SYNE1: variants seen among roughly 807,000 people sequenced by gnomAD.
The protein encoded by SYNE1 is nesprin-1.
A neutral mutation model predicts 1,111.0 loss-of-function variants in SYNE1; 616 were observed. The observed-to-expected ratio is 0.55, with a 90% CI of 0.52 to 0.59. SYNE1 has a LOEUF of 0.59. SYNE1 is among the 20% of genes least tolerant of loss of function. SYNE1 has a pLI of 0.00. For missense variants in SYNE1, 10,006 were observed against 10,417.0 expected, an observed-to-expected ratio of 0.96 and a Z score of 1.72; for synonymous variants, 3,855 against 3,825.8, an observed-to-expected ratio of 1.01 and a Z score of -0.28.
rs747838657 is a variant in SYNE1 at position 152,330,155 on chromosome 6, G to A, written c.14530C>T (p.Pro4844Ser). 1.2e-6 allele frequency: 2 copies of A among 1,614,130 alleles called. No homozygotes were observed. The highest frequency in any genetic ancestry group is 1.7e-6 in the Non-Finnish European group (2 of 1,180,028). Residue 4844 changes from proline (P) to serine (S), a missense_variant, in exon 78 of 146, where the codon CCA becomes TCA. By Grantham distance (74) the Pro-to-Ser change is moderately conservative. Around this residue, in one of 7 missense-constraint regions of SYNE1, gnomAD observed 4,955 missense variants for 5,017.2 expected, o/e 0.99. Transcript: ENST00000367255. ...RVTIHLEDLAPHLDPLAYEKA... is the reference protein window; with the variant it reads ...RVTIHLEDLASHLDPLAYEKA... ...TCATAAGCCAAGGGGTCAAGGTGTGGGGCAAGATCTTCAAGATGTATGGTT... is the reference window on the plus strand; with the variant it reads ...TCATAAGCCAAGGGGTCAAGGTGTGAGGCAAGATCTTCAAGATGTATGGTT...
intron 98 of SYNE1, 56 bp from the exon 99 acceptor site, chr6:152,269,342 A>G: frequency 6.2e-7 from 1 of 1,611,724 alleles, no homozygotes; most frequent in Non-Finnish European, 8.5e-7. Context: ...ACCTTAACCA[A>G]AGGGGAGAGA....
intron 53 of SYNE1, among the ~76,000 whole-genome samples, chr6:152,389,071 CAAT>C (rs113207519): frequency 0.13 from 20,013 of 152,064 alleles, 3,239 homozygotes; most frequent in African/African-American, 0.38. Context: ...GAAAAAACAA[CAAT>C]AATAACAACA....
At chr6:152,188,388 C>G (rs2153225882) in intron 128 of SYNE1, among the ~76,000 whole-genome samples, 1 of 152,232 alleles carries the variant, frequency 6.6e-6, no homozygotes, top group Non-Finnish European at 1.5e-5. Flanking sequence ...CTTTCCCTTT[C>G]ATTTCCAACT....
chr6:152,303,740 A>T (rs1036171002), intron 91 of SYNE1, among the ~76,000 whole-genome samples: 6 of 152,256 alleles, frequency 3.9e-5, no homozygotes, highest in African/African-American at 1.4e-4. Context: ...TAGGTGTTAT[A>T]CTGTACAATT....
chr6:152,359,158 G>T (rs141856846), intron 65 of SYNE1, among the ~76,000 whole-genome samples, 157 bp downstream of exon 65: 1 of 152,242 alleles, frequency 6.6e-6, no homozygotes. Context: ...GAAGGTTTTT[G>T]ATTTTGCCAG....
At chr6:152,234,071 G>C in intron 111 of SYNE1, 108 bp from the exon 112 acceptor site, 1 of 1,178,430 alleles carries the variant, frequency 8.5e-7, no homozygotes, top group East Asian at 2.5e-5. Context: ...TCCTGGAGGG[G>C]GTTATGCTGA....
intron 130 of SYNE1, among the ~76,000 whole-genome samples, chr6:152,171,962 T>C (rs2065318451): frequency 6.6e-6 from 1 of 152,228 alleles, no homozygotes; most frequent in African/African-American, 2.4e-5. Flanking sequence ...TAGTACTTCA[T>C]ATATAGTAGG....
At chr6:152,339,456 C>T (rs2096484194) in intron 74 of SYNE1, 90 bp from the exon 75 acceptor site, 2 of 1,549,596 alleles carry the variant, frequency 1.3e-6, no homozygotes, top group Non-Finnish European at 1.8e-6. Flanking sequence ...GTTGACATTT[C>T]AAAAATAGTC....
intron 100 of SYNE1, among the ~76,000 whole-genome samples, chr6:152,264,334 T>C (rs918708013): frequency 1.1e-4 from 16 of 150,620 alleles, no homozygotes; most frequent in African/African-American, 3.9e-4. Context: ...AAAGGAATAC[T>C]AGATATTAAT....
At chr6:152,591,449 C>T (rs2099564939) in intron 3 of SYNE1, among the ~76,000 whole-genome samples, 1 of 152,196 alleles carries the variant, frequency 6.6e-6, no homozygotes, top group Non-Finnish European at 1.5e-5. Flanking sequence ...GGATAACTGG[C>T]TAGCCCTAGG....
In SYNE1 at chr6:152,150,393, A is replaced by G. The variant is rs957754589; in HGVS notation, c.24451-725T>C. Among the ~76,000 whole-genome samples, 6 of 152,376 alleles carry G rather than the reference A, an allele frequency of 3.9e-5. No homozygotes were observed. In the South Asian group the frequency reaches 8.3e-4, roughly 21 times the overall value. ...TTTCCATCATCCTGCCAGGGTCCCA[A>G]GGGACAAGATTCAATTACACTTGGC... On this transcript the variant is annotated intron_variant, in intron 135 of 145. Coordinates refer to ENST00000367255, the MANE Select transcript of SYNE1 (RefSeq NM_182961.4).
intron 112 of SYNE1, among the ~76,000 whole-genome samples, chr6:152,233,356 G>A (rs903752606): frequency 1.3e-5 from 2 of 151,310 alleles, no homozygotes; most frequent in African/African-American, 4.9e-5. Context: ...TCTGGAGACA[G>A]TCTCACTGTC....
chr6:152,143,989 C>T (rs1185408247), intron 137 of SYNE1: 12 of 577,658 alleles, frequency 2.1e-5, no homozygotes, highest in African/African-American at 3.8e-5. Flanking sequence ...GATCGGACGT[C>T]GCAAAACGGC....
At chr6:152,503,681 A>G (rs1369252879) in intron 9 of SYNE1, among the ~76,000 whole-genome samples, 1 of 152,192 alleles carries the variant, frequency 6.6e-6, no homozygotes. Flanking sequence ...GACTTGCAAT[A>G]TAGGGTTTAA....
intron 4 of SYNE1, 36 bp from the exon 5 acceptor site, chr6:152,526,211 C>G: frequency 6.3e-7 from 1 of 1,582,864 alleles, no homozygotes; most frequent in South Asian, 1.1e-5. Flanking sequence ...CAGAAAATAT[C>G]TCTTCCCTCT....
chr6:152,502,641 C>T lies in SYNE1; in HGVS notation c.880G>A (p.Glu294Lys), dbSNP rs1165989729. The change falls in exon 10 of 146, where the codon GAG becomes AAG. Residue 294 changes from glutamate (E) to lysine (K), a missense_variant. This residue lies in a region of SYNE1 where 1,971 missense variants were observed against 2,084.1 expected (regional missense o/e 0.95). Transcript: ENST00000367255. ...DIHNASTDGQ[E>K]DDEILPGFPS... Reference sequence around the variant, plus strand: ...AGAAAGCAAATACCTACATCATCCTCTTGCCCATCAGTGCTTGCATTGTGG... The same window carrying T: ...AGAAAGCAAATACCTACATCATCCTTTTGCCCATCAGTGCTTGCATTGTGG... 6.2e-7 allele frequency: 1 copy of T among 1,612,414 alleles called. No individual in the cohort carries two copies. Among genetic ancestry groups the T allele is most frequent in the Non-Finnish European group, 8.5e-7 (1 of 1,178,640 alleles).
chr6:152,472,504 A>C, intron 14 of SYNE1, 91 bp from the exon 15 acceptor site: 1 of 1,170,808 alleles, frequency 8.5e-7, no homozygotes, highest in Non-Finnish European at 1.3e-6. Flanking sequence ...CGATGAGTCA[A>C]TGTATTCAAC....
intron 53 of SYNE1, among the ~76,000 whole-genome samples, chr6:152,388,748 A>G (rs1008640050): frequency 1.3e-5 from 2 of 152,240 alleles, no homozygotes; most frequent in African/African-American, 4.8e-5. Context: ...TAATTTGAAC[A>G]TTGCTATCAC....
Position 152,435,211 on chromosome 6 carries a change from A to C in SYNE1, c.4310+730T>G, listed in dbSNP as rs772852438. ...CCTTAGAAATGATGGCCTGTCCCTT[A>C]ATAATAATATGCTATTATGTATCAT... On this transcript the variant is annotated intron_variant, in intron 33 of 145. Transcript: ENST00000367255. 4.3e-4 allele frequency: 66 copies of C among 152,128 alleles called. 2 individuals carry two copies. Among genetic ancestry groups the C allele is most frequent in the Non-Finnish European group, 1.8e-4 (12 of 68,000 alleles). 9.4% of individuals were successfully genotyped at this position (152,128 alleles called of 1,614,324 possible).
Sources: allele counts gnomAD v4.1 joint callset (sites outside exome capture counted in the v4.1 genomes callset), GRCh38; gene constraint gnomAD v4.1.1; regional missense constraint gnomAD v4.1.1; transcripts MANE v1.5; gene names NCBI Gene and HGNC (gene_info 2026-07-23, HGNC 2026-07-21).